Variants in SUMF1 observed in about 807,000 individuals in gnomAD.
SUMF1 encodes the protein formylglycine-generating enzyme.
A neutral mutation model predicts 47.6 loss-of-function variants in SUMF1; 48 were observed. That is an observed-to-expected ratio of 1.01 (90% confidence interval 0.80 to 1.28). The LOEUF is 1.28. Among genes scored for constraint, SUMF1 ranks in the 50% most tolerant of loss-of-function variants. The pLI is 0.00. For synonymous variants in SUMF1, 230 were observed against 192.1 expected (o/e 1.20, Z -1.63); for missense variants, 571 against 485.4 (o/e 1.18, Z -1.66).
intron 8 of SUMF1, among the ~76,000 whole-genome samples, chr3:4,326,978 T>C (rs1011094120): frequency 6.6e-6 from 1 of 152,216 alleles, no homozygotes. Flanking sequence ...GCTGAACTTA[T>C]GCAAATAACT....
At chr3:4,379,084 T>G (rs1283422970) in intron 7 of SUMF1, among the ~76,000 whole-genome samples, 1 of 152,224 alleles carries the variant, frequency 6.6e-6, no homozygotes, top group African/African-American at 2.4e-5. Flanking sequence ...CTGCTTCTTA[T>G]AAATAAAACT....
intron 1 of SUMF1, 97 bp downstream of exon 1, chr3:4,466,879 C>T (rs2079962398): frequency 3.9e-6 from 6 of 1,519,386 alleles, no homozygotes; most frequent in Middle Eastern, 2.3e-4. Flanking sequence ...TGGTTATAAC[C>T]TTTACTTCCC....
At chr3:4,265,485 T>TTAAA (rs1372503741) in intron 8 of SUMF1, among the ~76,000 whole-genome samples, 1 of 152,170 alleles carries the variant, frequency 6.6e-6, no homozygotes, top group East Asian at 1.9e-4. Context: ...ACATTATTAT[T>TTAAA]TAAATTCTCA....
intron 8 of SUMF1, among the ~76,000 whole-genome samples, chr3:4,122,729 T>A (rs184308739): frequency 6.6e-6 from 1 of 152,254 alleles, no homozygotes; most frequent in East Asian, 1.9e-4. Flanking sequence ...GAGAAGGACT[T>A]AAGTGGCTGT....
At position 4,047,840 on chromosome 3, in the gene SUMF1, G is replaced by C. The variant is rs551154697; in HGVS notation, c.1191+20729C>G. On this transcript the variant is annotated intron_variant and NMD_transcript_variant, in intron 9 of 12. Coordinates refer to the SUMF1 transcript ENST00000448413. ...GACTATCCCTTCTCTGCTTATAAGAGTAAATATTGGTTGCCAATTATATGG... is the reference window on the plus strand; with the variant it reads ...GACTATCCCTTCTCTGCTTATAAGACTAAATATTGGTTGCCAATTATATGG... 1.1e-4 allele frequency among the ~76,000 whole-genome samples: 17 copies of C among 152,234 alleles called. 1 individual carries two copies. Among genetic ancestry groups the C allele is most frequent in the South Asian group, 1.0e-3 (5 of 4,826 alleles).
intron 3 of SUMF1, among the ~76,000 whole-genome samples, chr3:4,423,590 C>G (rs1403795915): frequency 6.6e-6 from 1 of 152,122 alleles, no homozygotes; most frequent in East Asian, 1.9e-4. Flanking sequence ...CCCAGGAATC[C>G]TCAGAGTATG....
At chr3:4,306,149 T>A (rs1383371538) in intron 8 of SUMF1, among the ~76,000 whole-genome samples, 1 of 152,214 alleles carries the variant, frequency 6.6e-6, no homozygotes, top group Non-Finnish European at 1.5e-5. Flanking sequence ...CGTGCGTGTG[T>A]GTGTGCGTTT....
At chr3:4,242,004 C>T (rs1051877084) in intron 8 of SUMF1, among the ~76,000 whole-genome samples, 13 of 152,238 alleles carry the variant, frequency 8.5e-5, no homozygotes, top group African/African-American at 2.2e-4. Flanking sequence ...TTCCCTACTG[C>T]ACACGTGCTT....
Position 4,070,026 on chromosome 3 carries a change from C to T in SUMF1, c.1015-1281G>A, listed in dbSNP as rs572957559. 9.0e-4 allele frequency among the ~76,000 whole-genome samples: 137 copies of T among 152,286 alleles called. 1 individual carries two copies. The highest frequency in any genetic ancestry group is 1.5e-3 in the Non-Finnish European group (102 of 68,022). On this transcript the variant is annotated intron_variant and NMD_transcript_variant, in intron 8 of 12. Coordinates refer to the SUMF1 transcript ENST00000448413. Reference sequence around the variant, plus strand: ...CTGCTATCTGAGAAATTCCTCTGCACAATAAAACTTAGTCTCCACAATCCT... The same window carrying T: ...CTGCTATCTGAGAAATTCCTCTGCATAATAAAACTTAGTCTCCACAATCCT...
chr3:4,448,127 G>T (rs1354079957), intron 3 of SUMF1, among the ~76,000 whole-genome samples: 1 of 152,048 alleles, frequency 6.6e-6, no homozygotes, highest in African/African-American at 2.4e-5. Context: ...AAATTCGAAT[G>T]GAGCTCAATC....
At chr3:4,193,067 A>G (rs1483915366) in intron 8 of SUMF1, among the ~76,000 whole-genome samples, 2 of 152,118 alleles carry the variant, frequency 1.3e-5, no homozygotes, top group Non-Finnish European at 2.9e-5. Context: ...ATATGAAGCC[A>G]TATAATTGTC....
At chr3:4,254,786 A>C (rs1022462784) in intron 8 of SUMF1, among the ~76,000 whole-genome samples, 2 of 149,872 alleles carry the variant, frequency 1.3e-5, no homozygotes, top group African/African-American at 4.9e-5. Flanking sequence ...ACTCCTCGAG[A>C]AGAGCAACTC....
intron 9 of SUMF1, among the ~76,000 whole-genome samples, chr3:4,060,100 A>G (rs1161644782): frequency 6.6e-6 from 1 of 152,208 alleles, no homozygotes; most frequent in East Asian, 1.9e-4. Flanking sequence ...AGAGGCTGAT[A>G]AAGAAGTTAT....
chr3:4,253,503 A>G (rs1227491717), intron 8 of SUMF1, among the ~76,000 whole-genome samples: 1 of 151,984 alleles, frequency 6.6e-6, no homozygotes, highest in Non-Finnish European at 1.5e-5. Flanking sequence ...GGGGTGACGG[A>G]CGCACCTGGA....
chr3:4,071,327 G>A (rs1387732786), intron 8 of SUMF1, among the ~76,000 whole-genome samples: 1 of 152,154 alleles, frequency 6.6e-6, no homozygotes, highest in Admixed American at 6.5e-5. Flanking sequence ...CAGAGGGCGA[G>A]CCAAAGCAGG....
chr3:4,209,547 A>G (rs1029257730), intron 8 of SUMF1, among the ~76,000 whole-genome samples: 3 of 152,074 alleles, frequency 2.0e-5, no homozygotes, highest in African/African-American at 7.2e-5. Flanking sequence ...TCTAAGAAAA[A>G]TGTTTATAAT....
intron 9 of SUMF1, among the ~76,000 whole-genome samples, chr3:4,037,830 C>A (rs1694828144): frequency 6.6e-6 from 1 of 152,134 alleles, no homozygotes. Flanking sequence ...CAGTAGACTT[C>A]TTTTCTGGAT....
chr3:4,150,752 T>C (rs560304635), intron 8 of SUMF1, among the ~76,000 whole-genome samples: 24 of 151,630 alleles, frequency 1.6e-4, no homozygotes, highest in Middle Eastern at 6.8e-3. Context: ...ACTGGGAAGT[T>C]TGGGCATGCT....
chr3:4,253,909 G>A (rs1405013831), intron 8 of SUMF1, among the ~76,000 whole-genome samples: 1 of 150,058 alleles, frequency 6.7e-6, no homozygotes, highest in Admixed American at 6.6e-5. Flanking sequence ...CACGCAGCTG[G>A]AGATCTGAGA....
Sources: allele counts gnomAD v4.1 joint callset (sites outside exome capture counted in the v4.1 genomes callset), GRCh38; gene constraint gnomAD v4.1.1; transcripts MANE v1.5; gene names NCBI Gene and HGNC (gene_info 2026-07-23, HGNC 2026-07-21).